RBFOX1: variants seen among roughly 807,000 people sequenced by gnomAD.
The protein encoded by RBFOX1 is RNA binding fox-1 homolog 1.
RBFOX1 carries 8 observed loss-of-function variants against 57.7 expected under a neutral mutation model. The ratio of observed to expected loss-of-function variants is 0.14; its 90% confidence interval spans 0.08 to 0.25. The LOEUF is 0.25. Ranked by LOEUF, RBFOX1 falls within the 10% of genes least tolerant of loss-of-function variation. The pLI, the probability that RBFOX1 is intolerant of heterozygous loss-of-function variation, is 1.00. For missense variants in RBFOX1, 611 were observed against 548.5 expected (o/e 1.11, Z -1.14); for synonymous variants, 326 against 222.4 (o/e 1.47, Z -4.15).
chr16:5,843,740 C>T (rs1328731311), intron 3 of RBFOX1, among the ~76,000 whole-genome samples: 4 of 152,254 alleles, frequency 2.6e-5, no homozygotes, highest in Non-Finnish European at 4.4e-5. Context: ...CTCCAAACTA[C>T]GCAGTTAGTA....
At chr16:6,704,092 C>G (rs1296593722) in intron 3 of RBFOX1, 5 of 152,244 alleles carry the variant, frequency 3.3e-5, no homozygotes, top group African/African-American at 9.6e-5. Context: ...CTGCCAGGCA[C>G]TATCCTTGCT....
intron 4 of RBFOX1, among the ~76,000 whole-genome samples, chr16:7,084,106 G>A (rs944280332): frequency 7.2e-5 from 11 of 152,162 alleles, no homozygotes; most frequent in African/African-American, 2.2e-4. Flanking sequence ...GCAAATAAAT[G>A]TGTGGGACAG....
chr16:5,403,385 A>AACAG (rs1567456487), intron 1 of RBFOX1, among the ~76,000 whole-genome samples: 77 of 151,834 alleles, frequency 5.1e-4, no homozygotes, highest in African/African-American at 1.8e-3. Flanking sequence ...CAAACAAACA[A>AACAG]AAAAACCCAA....
At chr16:7,216,113 GT>G (rs2091993480) in intron 4 of RBFOX1, among the ~76,000 whole-genome samples, 1 of 152,152 alleles carries the variant, frequency 6.6e-6, no homozygotes, top group African/African-American at 2.4e-5. Flanking sequence ...GTTCATCCAT[GT>G]TATAGATGCG....
chr16:6,812,097 A>T (rs898652178), intron 3 of RBFOX1, among the ~76,000 whole-genome samples: 2 of 152,164 alleles, frequency 1.3e-5, no homozygotes, highest in African/African-American at 4.8e-5. Flanking sequence ...CCATATGATG[A>T]AGAAGCCTTC....
intron 3 of RBFOX1, among the ~76,000 whole-genome samples, chr16:5,775,943 C>G (rs2054132985): frequency 6.6e-6 from 1 of 152,182 alleles, no homozygotes; most frequent in Non-Finnish European, 1.5e-5. Context: ...CTGTTCTTGT[C>G]TGGGTTACAC....
chr16:5,733,079 C>A (rs141437530), intron 3 of RBFOX1, among the ~76,000 whole-genome samples: 1 of 152,086 alleles, frequency 6.6e-6, no homozygotes, highest in African/African-American at 2.4e-5. Flanking sequence ...TGCATGTTAT[C>A]AATACACCTG....
At chr16:5,993,635 G>C (rs1183628866) in intron 4 of RBFOX1, among the ~76,000 whole-genome samples, 1 of 152,092 alleles carries the variant, frequency 6.6e-6, no homozygotes, top group Non-Finnish European at 1.5e-5. Context: ...TGAGGCATTA[G>C]TTCTCCATCA....
chr16:6,181,670 C>T (rs142407179), intron 1 of RBFOX1, among the ~76,000 whole-genome samples: 3 of 152,228 alleles, frequency 2.0e-5, no homozygotes, highest in East Asian at 1.9e-4. Flanking sequence ...AGAAGTCTTA[C>T]GTGAAGCCAT....
At position 6,817,910 on chromosome 16, in the gene RBFOX1, C is replaced by T. The variant is rs2090461589; in HGVS notation, c.-16+163260C>T. ...GCTTGCCTCATACCCTGTTCCTGGG[C>T]CATTGCCCAAAAATCTACTGTGTCT... is the stretch of plus-strand genomic sequence containing the variant. On this transcript the variant is annotated intron_variant, in intron 3 of 15. Transcript: ENST00000550418. Among the ~76,000 whole-genome samples the T allele has an allele frequency of 1.3e-5, 2 of 152,114 alleles. 1 individual carries two copies. The highest frequency in any genetic ancestry group is 1.3e-4 in the Admixed American group (2 of 15,272).
intron 13 of RBFOX1, among the ~76,000 whole-genome samples, chr16:7,667,905 C>G (rs1386935624): frequency 6.6e-6 from 1 of 152,084 alleles, no homozygotes; most frequent in Non-Finnish European, 1.5e-5. Context: ...AACTCCTGAC[C>G]TCAAGTGATC....
intron 2 of RBFOX1, among the ~76,000 whole-genome samples, chr16:5,497,112 C>A (rs575930843): frequency 6.6e-6 from 1 of 152,264 alleles, no homozygotes; most frequent in African/African-American, 2.4e-5. Flanking sequence ...GCAATCAGAG[C>A]CTGAAATGGT....
At chr16:7,455,280 T>TCA (rs2150339444) in intron 4 of RBFOX1, among the ~76,000 whole-genome samples, 1 of 152,300 alleles carries the variant, frequency 6.6e-6, no homozygotes, top group Admixed American at 6.5e-5. Context: ...CTTGGATACA[T>TCA]CACCCTCCCT....
At chr16:7,153,805 G>C (rs937677542) in intron 4 of RBFOX1, among the ~76,000 whole-genome samples, 2 of 152,050 alleles carry the variant, frequency 1.3e-5, no homozygotes, top group Non-Finnish European at 2.9e-5. Context: ...GTTATCATGA[G>C]GGGGAAAAGT....
intron 1 of RBFOX1, among the ~76,000 whole-genome samples, chr16:6,145,047 C>A (rs554488138): frequency 6.6e-6 from 1 of 151,130 alleles, no homozygotes; most frequent in South Asian, 2.1e-4. Flanking sequence ...TTTTTTTTAA[C>A]TTTAAAGTTC....
At chr16:6,864,210 C>T (rs527597117) in intron 3 of RBFOX1, among the ~76,000 whole-genome samples, 10 of 152,050 alleles carry the variant, frequency 6.6e-5, no homozygotes, top group Non-Finnish European at 1.5e-4. Context: ...CTTTTTTCTT[C>T]TATGTCACTG....
chr16:5,649,918 G>T lies in RBFOX1; in HGVS notation c.318+50957G>T, dbSNP rs189878087. ...AGGGATGTGAAGCACTTCATCAGAGGAGGTAGCACTCGAGTTCGCAAGAAT... is the reference window on the plus strand; with the variant it reads ...AGGGATGTGAAGCACTTCATCAGAGTAGGTAGCACTCGAGTTCGCAAGAAT... On this transcript the variant is annotated intron_variant, in intron 3 of 19. Coordinates refer to the RBFOX1 transcript ENST00000641259. Among the ~76,000 whole-genome samples, 851 of 152,258 alleles carry T rather than the reference G, an allele frequency of 5.6e-3. 7 individuals carry two copies. The highest frequency in any genetic ancestry group is 0.02 in the African/African-American group (814 of 41,532).
chr16:5,242,387 C>G (rs148253658), intron 1 of RBFOX1, among the ~76,000 whole-genome samples: 12 of 152,288 alleles, frequency 7.9e-5, no homozygotes, highest in African/African-American at 2.9e-4. Context: ...GTCCGGCGGC[C>G]CCTCGAAAAG....
chr16:7,518,371 C>G lies in RBFOX1; in HGVS notation c.252C>G (p.Thr84=), dbSNP rs752506752. The G allele has an allele frequency of 2.5e-6, 4 of 1,610,452 alleles. No homozygotes were observed. The highest frequency in any genetic ancestry group is 3.3e-5 in the Admixed American group (2 of 59,886). Residue 84 remains threonine (T), a synonymous_variant, in exon 5 of 16, where the codon ACC becomes ACG. Transcript: ENST00000550418. ...EQSPADTSAQ[T]VSGTATQTDD... ...GCCCGGCGGACACGAGCGCTCAGAC[C>G]GTCTCTGGCACCGCCACAGTAAGTG...
Sources: gnomAD v4.1 joint callset for allele counts (sites outside exome capture counted in the v4.1 genomes callset) on GRCh38, gnomAD v4.1.1 for gene constraint, MANE v1.5 for transcripts, NCBI Gene and HGNC (gene_info 2026-07-23, HGNC 2026-07-21) for gene names.